DLG1: variants seen among roughly 807,000 people sequenced by gnomAD.
The protein encoded by DLG1 is discs large MAGUK scaffold protein 1.
Under a neutral mutation model 123.4 loss-of-function variants are expected in DLG1, and 42 were observed. The ratio of observed to expected loss-of-function variants is 0.34; its 90% CI spans 0.27 to 0.44. The LOEUF is 0.44. Among genes scored for constraint, DLG1 ranks in the 20% least tolerant of loss-of-function variants. DLG1 has a pLI of 1.00. For synonymous variants in DLG1, 317 were observed against 356.2 expected, an observed-to-expected ratio of 0.89 and a Z score of 1.24; for missense variants, 942 against 1,082.6, an observed-to-expected ratio of 0.87 and a Z score of 1.82.
At position 197,119,432 on chromosome 3, in the gene DLG1, G is replaced by C; in HGVS notation, c.1264C>G (p.Leu422Val). ...ARYSPVSKAV[L>V]GDDEITREPR... ...TACCTTGTAATTTCATCATCTCCAA[G>C]TACTGCTTTAGAAACTGGGGAGTAT... The change falls in exon 12 of 25, where the codon CTT becomes GTT. Residue 422 changes from leucine to valine, a missense_variant. Leu to Val is a conservative substitution (Grantham distance 32). Transcript: ENST00000667157. The C allele has an allele frequency of 1.2e-6, 2 of 1,608,242 alleles. No homozygotes were observed.
intron 5 of DLG1, among the ~76,000 whole-genome samples, chr3:197,177,305 A>T (rs538981489): frequency 1.3e-5 from 2 of 152,264 alleles, no homozygotes; most frequent in East Asian, 3.9e-4. Context: ...ACCAAAGGAG[A>T]CTATTTCCAC....
At chr3:197,265,494 C>T (rs1281293378) in intron 4 of DLG1, among the ~76,000 whole-genome samples, 1 of 152,126 alleles carries the variant, frequency 6.6e-6, no homozygotes, top group Non-Finnish European at 1.5e-5. Context: ...ATAAACAGAG[C>T]TAAAACTCAC....
In DLG1 at chr3:197,215,458, A is replaced by T. The variant is rs368168362; in HGVS notation, c.319-20869T>A. Among the ~76,000 whole-genome samples the T allele has an allele frequency of 4.1e-4, 63 of 152,288 alleles. No individual in the cohort carries two copies. In the East Asian group the frequency reaches 9.8e-3, roughly 24 times the overall value. On this transcript the variant is annotated intron_variant, in intron 4 of 24. Coordinates refer to ENST00000667157, the MANE Select transcript of DLG1 (RefSeq NM_001366207.1). ...TTTAGAAGACAATACTACATAGGAG[A>T]TTATGACTTCTAGTATGTAAGGATA...
intron 12 of DLG1, among the ~76,000 whole-genome samples, chr3:197,117,550 C>G (rs1470669832): frequency 6.6e-6 from 1 of 152,106 alleles, no homozygotes; most frequent in Non-Finnish European, 1.5e-5. Flanking sequence ...ATCTTGACAA[C>G]ATAAGTGAAA....
In DLG1 at chr3:197,244,505, G is replaced by A. The variant is rs569403669; in HGVS notation, c.318+38174C>T. Among the ~76,000 whole-genome samples, 112 of 152,074 alleles carry A rather than the reference G, an allele frequency of 7.4e-4. 1 individual carries two copies. Among genetic ancestry groups the A allele is most frequent in the African/African-American group, 2.3e-3 (96 of 41,482 alleles). Reference sequence around the variant, plus strand: ...GTTTTAGATCTTTTACCTCTACGACGGCCACTTTGGTTTTGTTACTGGGTG... The same window carrying A: ...GTTTTAGATCTTTTACCTCTACGACAGCCACTTTGGTTTTGTTACTGGGTG... On this transcript the variant is annotated intron_variant, in intron 4 of 24. Transcript: ENST00000667157.
At chr3:197,258,166 G>A (rs545441437) in intron 4 of DLG1, among the ~76,000 whole-genome samples, 1 of 151,870 alleles carries the variant, frequency 6.6e-6, no homozygotes, top group African/African-American at 2.4e-5. Context: ...TTTTTAACTC[G>A]AAGAGAAGTA....
chr3:197,120,604 A>G (rs1042799452), intron 11 of DLG1, among the ~76,000 whole-genome samples: 4 of 152,248 alleles, frequency 2.6e-5, no homozygotes, highest in Admixed American at 6.5e-5. Flanking sequence ...AAATTAGAGC[A>G]TATCTTCTAT....
chr3:197,138,075 T>C, intron 9 of DLG1, 147 bp downstream of exon 9: 1 of 434,004 alleles, frequency 2.3e-6, no homozygotes, highest in Admixed American at 4.4e-5. Flanking sequence ...CAAAAATCAG[T>C]AGAAATAACG....
intron 12 of DLG1, among the ~76,000 whole-genome samples, chr3:197,118,724 C>A (rs539355014): frequency 2.2e-4 from 34 of 151,988 alleles, no homozygotes; most frequent in African/African-American, 7.7e-4. Context: ...TTTTTTTCTA[C>A]CTCATTAGAA....
chr3:197,240,220 T>C (rs936816605), intron 4 of DLG1, among the ~76,000 whole-genome samples: 13 of 152,226 alleles, frequency 8.5e-5, no homozygotes, highest in Admixed American at 5.2e-4. Context: ...CAACACCATC[T>C]GTAGAAGGTT....
At chr3:197,239,995 A>G (rs937141524) in intron 4 of DLG1, among the ~76,000 whole-genome samples, 3 of 151,974 alleles carry the variant, frequency 2.0e-5, no homozygotes, top group African/African-American at 7.3e-5. Flanking sequence ...CTGAGATATA[A>G]CTCATGCTTC....
Position 197,043,616 on chromosome 3 carries a change from AAAT to A in DLG1, c.*1004_*1006del, listed in dbSNP as rs1217250406. The A allele has an allele frequency of 2.6e-5, 4 of 151,296 alleles. No homozygotes were observed. The highest frequency in any genetic ancestry group is 5.9e-5 in the Non-Finnish European group (4 of 67,824). 9.4% of individuals were successfully genotyped at this position (151,296 alleles called of 1,614,324 possible). ...GTGTGTGTGCGCAACTATGTAAAGA[AAAT>A]AATTCCCATAGTTACAGTTTAAAGA... On this transcript the variant is annotated 3_prime_UTR_variant, in exon 25 of 25. Transcript: ENST00000667157.
intron 4 of DLG1, 33 bp from the exon 5 acceptor site, chr3:197,194,622 T>C (rs200274133): frequency 6.2e-4 from 929 of 1,503,630 alleles, no homozygotes; most frequent in Non-Finnish European, 7.8e-4. Flanking sequence ...GAAGCCCTGA[T>C]AAGCAACATG....
intron 4 of DLG1, among the ~76,000 whole-genome samples, chr3:197,200,371 C>CTA (rs1724997194): frequency 6.6e-6 from 1 of 151,888 alleles, no homozygotes; most frequent in Non-Finnish European, 1.5e-5. Context: ...CCATGCAAGC[C>CTA]AATATACTTC....
intron 4 of DLG1, among the ~76,000 whole-genome samples, chr3:197,214,827 T>C (rs1733238170): frequency 6.6e-6 from 1 of 152,016 alleles, no homozygotes. Context: ...GTATAAAGAA[T>C]TACAAATACT....
intron 16 of DLG1, among the ~76,000 whole-genome samples, chr3:197,084,445 G>A (rs1044969889): frequency 5.3e-5 from 8 of 151,498 alleles, no homozygotes; most frequent in Admixed American, 1.3e-4. Flanking sequence ...CCAAGTAGCT[G>A]CGATTACAGG....
chr3:197,261,975 ATAGATC>A (rs772331889), intron 4 of DLG1, among the ~76,000 whole-genome samples: 21 of 152,138 alleles, frequency 1.4e-4, no homozygotes, highest in Non-Finnish European at 2.5e-4. Context: ...AGCTACAGCT[ATAGATC>A]TATTGTGGTA....
chr3:197,297,445 C>G (rs1778009461), intron 1 of DLG1: 10 of 1,382,246 alleles, frequency 7.2e-6, no homozygotes, highest in Non-Finnish European at 8.4e-6. Context: ...TAAGAACAGA[C>G]AGAAGTCGGC....
At chr3:197,222,881 A>G (rs954280443) in intron 4 of DLG1, among the ~76,000 whole-genome samples, 2 of 152,200 alleles carry the variant, frequency 1.3e-5, no homozygotes, top group African/African-American at 4.8e-5. Context: ...GGCAGTTAGT[A>G]AAGGCAAGAA....
Sources: gnomAD v4.1 joint callset for allele counts (sites outside exome capture counted in the v4.1 genomes callset) on GRCh38, gnomAD v4.1.1 for gene constraint, MANE v1.5 for transcripts, NCBI Gene and HGNC (gene_info 2026-07-23, HGNC 2026-07-21) for gene names.